Variants in SLC43A1 observed in about 807,000 individuals in gnomAD.
SLC43A1 encodes the protein solute carrier family 43 member 1, also known as large neutral amino acids transporter small subunit 3.
A neutral mutation model predicts 59.5 loss-of-function variants in SLC43A1; 31 were observed. The observed-to-expected ratio is 0.52, with a 90% confidence interval of 0.39 to 0.70. The LOEUF (loss-of-function observed/expected upper bound fraction) is 0.70, where lower values mean the gene tolerates loss of function less well. Ranked by LOEUF, SLC43A1 falls within the 30% of genes least tolerant of loss-of-function variation. The pLI, the probability that SLC43A1 is intolerant of heterozygous loss-of-function variation, is 0.00. For synonymous variants in SLC43A1, 259 were observed against 290.9 expected (o/e 0.89, Z 1.12); for missense variants, 598 against 717.8 (o/e 0.83, Z 1.91).
At chr11:57,486,017 A>C (rs1417751409) in intron 14 of SLC43A1, among the ~76,000 whole-genome samples, 1 of 152,218 alleles carries the variant, frequency 6.6e-6, no homozygotes, top group Admixed American at 6.5e-5. Context: ...TGCCTCGTGC[A>C]GGAGTGGGTG....
intron 8 of SLC43A1, among the ~76,000 whole-genome samples, chr11:57,492,536 GTATATATATATATATATATATATA>G (rs71061509): frequency 2.5e-5 from 2 of 79,862 alleles, no homozygotes; most frequent in Non-Finnish European, 4.3e-5. Flanking sequence ...ATAATTTTGT[GTATATATATATATATATATATATA>G]TATATATATA....
chr11:57,487,755 G>C (rs1943782708), intron 13 of SLC43A1, among the ~76,000 whole-genome samples: 1 of 151,956 alleles, frequency 6.6e-6, no homozygotes, highest in Non-Finnish European at 1.5e-5. Flanking sequence ...ACATGGGACA[G>C]CCAAGGGAGG....
intron 6 of SLC43A1, among the ~76,000 whole-genome samples, chr11:57,496,681 TG>T (rs983550273): frequency 2.0e-5 from 3 of 152,086 alleles, no homozygotes; most frequent in Admixed American, 6.6e-5. Context: ...GTGCAACAAC[TG>T]GGGGGGTTGG....
intron 2 of SLC43A1, among the ~76,000 whole-genome samples, chr11:57,506,938 C>T (rs1034988938): frequency 6.6e-6 from 1 of 152,178 alleles, no homozygotes; most frequent in Non-Finnish European, 1.5e-5. Context: ...TGCCTAAATT[C>T]TGAGAAACAG....
intron 12 of SLC43A1, 69 bp from the exon 13 acceptor site, chr11:57,489,058 C>T (rs759754295): frequency 2.6e-5 from 40 of 1,511,446 alleles, no homozygotes; most frequent in African/African-American, 9.6e-5. Context: ...AGGGGTAGGG[C>T]GAAGAGGCCA....
At chr11:57,485,433 TGAGACTTCTCAG>T (rs1283814809) in intron 14 of SLC43A1, among the ~76,000 whole-genome samples, 191 bp from the exon 15 acceptor site, 1 of 152,236 alleles carries the variant, frequency 6.6e-6, no homozygotes, top group Non-Finnish European at 1.5e-5. Context: ...GTGGCTGAGA[TGAGACTTCTCAG>T]GTATAACAAG....
rs556096850 is a variant in SLC43A1 at position 57,490,503 on chromosome 11, C to T, written c.1193+721G>A. 5.3e-5 allele frequency among the ~76,000 whole-genome samples: 8 copies of T among 152,272 alleles called. 1 individual carries two copies. In the South Asian group the frequency reaches 1.4e-3, roughly 28 times the overall value. ...GATTATGTGAGAGAAGATACGGGGTCTCTGTCGCTTAGCCCTCTTGCTCAA... is the reference window on the plus strand; with the variant it reads ...GATTATGTGAGAGAAGATACGGGGTTTCTGTCGCTTAGCCCTCTTGCTCAA... On this transcript the variant is annotated intron_variant, in intron 11 of 14. Transcript: ENST00000278426.
At chr11:57,488,673 A>G (rs1219874992) in intron 13 of SLC43A1, among the ~76,000 whole-genome samples, 1 of 152,204 alleles carries the variant, frequency 6.6e-6, no homozygotes, top group African/African-American at 2.4e-5. Flanking sequence ...GGCCGTTTCA[A>G]ACAGCAGACA....
In SLC43A1 at chr11:57,514,917, C is replaced by A; in HGVS notation, c.-14+527G>T. ...AGGGCAGCGGTGGCGGATGGGCTGG[C>A]GGGCGGGTGTGTTTACCAAAGGGAG... On this transcript the variant is annotated intron_variant, in intron 1 of 14. Coordinates refer to ENST00000278426, the MANE Select transcript of SLC43A1 (RefSeq NM_003627.6). The surrounding 1 kb of genome is among the most constrained non-coding windows in gnomAD (Gnocchi z 5.5). 5 of 976,502 alleles carry A rather than the reference C, an allele frequency of 5.1e-6. No individual in the cohort carries two copies. The highest frequency in any genetic ancestry group is 1.8e-5 in the African/African-American group (1 of 57,114). 60.5% of individuals were successfully genotyped at this position (976,502 alleles called of 1,614,324 possible).
In SLC43A1 at chr11:57,492,430, A is replaced by AAT. The variant is rs1314269046; in HGVS notation, c.872-570_872-569dup. Among the ~76,000 whole-genome samples, 985 of 135,408 alleles carry AAT rather than the reference A, an allele frequency of 7.3e-3. 6 individuals are homozygous for AAT. The highest frequency in any genetic ancestry group is 0.012 in the Non-Finnish European group (750 of 64,582). 88.8% of individuals were successfully genotyped at this position (135,408 alleles called of 152,430 possible). Reference sequence around the variant, plus strand: ...ACATAGCAAGACCCTATCTCTAAAAAATATATATATATATAAAATATAATA... The same window carrying AAT: ...ACATAGCAAGACCCTATCTCTAAAAAATATATATATATATATAAAATATAATA... On this transcript the variant is annotated intron_variant, in intron 8 of 14. Coordinates refer to ENST00000278426, the MANE Select transcript of SLC43A1 (RefSeq NM_003627.6).
chr11:57,497,876 G>C (rs1422548170), intron 5 of SLC43A1, 31 bp from the exon 6 acceptor site: 2 of 1,562,174 alleles, frequency 1.3e-6, no homozygotes, highest in African/African-American at 1.4e-5. Context: ...CCATGAGGTG[G>C]GGACACCGTG....
intron 3 of SLC43A1, 22 bp from the exon 4 acceptor site, chr11:57,501,065 C>T (rs763445125): frequency 3.2e-5 from 52 of 1,605,710 alleles, no homozygotes; most frequent in East Asian, 6.7e-5. Flanking sequence ...CAGGGAAGGG[C>T]GAGGGGTTGG....
At chr11:57,497,623 C>A (rs1481917977) in intron 6 of SLC43A1, 130 bp downstream of exon 6, 3 of 630,448 alleles carry the variant, frequency 4.8e-6, no homozygotes, top group African/African-American at 1.8e-5. Flanking sequence ...AGGGGGAAGG[C>A]CTGCATTGGG....
chr11:57,485,891 C>T (rs971183764), intron 14 of SLC43A1, among the ~76,000 whole-genome samples: 2 of 152,226 alleles, frequency 1.3e-5, no homozygotes, highest in African/African-American at 4.8e-5. Context: ...TATTTCATCA[C>T]AATTCTTTGG....
intron 6 of SLC43A1, among the ~76,000 whole-genome samples, chr11:57,496,846 A>T (rs568602759): frequency 6.6e-6 from 1 of 152,232 alleles, no homozygotes; most frequent in Non-Finnish European, 1.5e-5. Flanking sequence ...CCATCTGACC[A>T]GGATAATTAA....
chr11:57,501,454 A>G, intron 2 of SLC43A1, 125 bp from the exon 3 acceptor site: 1 of 907,516 alleles, frequency 1.1e-6, no homozygotes, highest in South Asian at 1.5e-5. Flanking sequence ...GGTACCCTAG[A>G]GTCACATCTC....
intron 2 of SLC43A1, among the ~76,000 whole-genome samples, chr11:57,511,153 G>T (rs967592263): frequency 2.0e-5 from 3 of 151,914 alleles, no homozygotes; most frequent in African/African-American, 7.2e-5. Flanking sequence ...GCTAGGCGGG[G>T]TGGCTCACAC....
rs575606342 is a variant in SLC43A1, at chr11:57,500,126, CATAA to C, written c.465+649_465+652del. On this transcript the variant is annotated intron_variant, in intron 5 of 14. Transcript: ENST00000278426. ...AGCCTTTAACGCGTTTACACACTCA[CATAA>C]ATAAACACACTTTGAGCAACACACA... Among the ~76,000 whole-genome samples the C allele has an allele frequency of 4.6e-4, 70 of 152,324 alleles. 2 individuals are homozygous for C. Among genetic ancestry groups the C allele is most frequent in the Admixed American group, 1.2e-3 (18 of 15,296 alleles).
chr11:57,485,010 T>C lies in SLC43A1; in HGVS notation c.*86A>G. ...CTACGGCCATGGCTCTATGTGCATG[T>C]TACAGGTAGAAAAGCCATATGGGGC... is the stretch of plus-strand genomic sequence containing the variant. On this transcript the variant is annotated 3_prime_UTR_variant, in exon 15 of 15. Coordinates refer to ENST00000278426, the MANE Select transcript of SLC43A1 (RefSeq NM_003627.6). 7.1e-7 allele frequency: 1 copy of C among 1,408,608 alleles called. No individual in the cohort carries two copies. Among genetic ancestry groups the C allele is most frequent in the South Asian group, 1.4e-5 (1 of 70,202 alleles). The allele number at this position is 1,408,608 out of a possible 1,614,324, so 87.3% of individuals were successfully genotyped here.
Sources: gnomAD v4.1 joint callset for allele counts (sites outside exome capture counted in the v4.1 genomes callset) on GRCh38, gnomAD v4.1.1 for gene constraint, Gnocchi (gnomAD v3.1) non-coding constraint, MANE v1.5 for transcripts, NCBI Gene and HGNC (gene_info 2026-07-23, HGNC 2026-07-21) for gene names.